Variants in MYO5B observed in about 807,000 individuals in gnomAD.
The protein encoded by MYO5B is unconventional myosin-Vb.
MYO5B carries 143 observed loss-of-function variants against 229.3 expected under a neutral mutation model. That is an observed-to-expected ratio of 0.62 (90% CI 0.54 to 0.72). The LOEUF (loss-of-function observed/expected upper bound fraction) is 0.72, where lower values mean the gene tolerates loss of function less well. Among genes scored for constraint, MYO5B ranks in the 30% least tolerant of loss-of-function variants. The pLI is 0.00. For missense variants in MYO5B, 2,321 were observed against 2,331.0 expected (o/e 1.00, Z 0.09); for synonymous variants, 918 against 885.2 (o/e 1.04, Z -0.66).
intron 1 of MYO5B, among the ~76,000 whole-genome samples, chr18:50,064,610 A>G (rs2030773685): frequency 1.3e-5 from 2 of 152,194 alleles, no homozygotes; most frequent in Non-Finnish European, 2.9e-5. Context: ...TTTAAAATCC[A>G]TTTCTGATTC....
chr18:50,107,644 A>T (rs2031786338), intron 1 of MYO5B, among the ~76,000 whole-genome samples: 1 of 152,162 alleles, frequency 6.6e-6, no homozygotes, highest in Non-Finnish European at 1.5e-5. Context: ...TGATTCCAGC[A>T]CTGTTTCCGG....
chr18:50,094,042 A>G (rs1281667008), intron 1 of MYO5B, among the ~76,000 whole-genome samples: 1 of 152,232 alleles, frequency 6.6e-6, no homozygotes, highest in Non-Finnish European at 1.5e-5. Context: ...TTACTTTAAT[A>G]AACTTCCTTT....
At chr18:50,017,931 TAC>T (rs2026233637) in intron 4 of MYO5B, among the ~76,000 whole-genome samples, 9 of 152,340 alleles carry the variant, frequency 5.9e-5, no homozygotes, top group Admixed American at 4.6e-4. Context: ...TATTCAAGTG[TAC>T]TTTAAACACA....
intron 4 of MYO5B, among the ~76,000 whole-genome samples, chr18:50,011,911 C>T (rs139379235): frequency 1.3e-4 from 20 of 152,114 alleles, no homozygotes; most frequent in African/African-American, 3.4e-4. Context: ...AGGCCCTGCA[C>T]GAGCTGTTCC....
chr18:50,077,184 A>AG (rs2031102003), intron 1 of MYO5B, among the ~76,000 whole-genome samples: 1 of 150,746 alleles, frequency 6.6e-6, no homozygotes, highest in African/African-American at 2.4e-5. Context: ...AAAAAAAAAA[A>AG]AAAAAAAAAG....
intron 17 of MYO5B, among the ~76,000 whole-genome samples, chr18:49,922,025 A>C (rs2025081066): frequency 1.3e-5 from 2 of 152,316 alleles, no homozygotes; most frequent in Middle Eastern, 3.4e-3. Flanking sequence ...CGCTGTGTTG[A>C]GTTTTCAGCA....
chr18:49,879,549 T>G lies in MYO5B; in HGVS notation c.3131-459A>C. The G allele has an allele frequency of 9.3e-6, 2 of 215,196 alleles. 1 individual carries two copies. The highest frequency in any genetic ancestry group is 1.6e-4 in the South Asian group (2 of 12,266). The allele number at this position is 215,196 out of a possible 1,614,324, so 13.3% of individuals were successfully genotyped here. On this transcript the variant is annotated intron_variant, in intron 23 of 39. Transcript: ENST00000285039. ...GATGGGCTACTTCCCTGCCAAAACT[T>G]ATTCACATTAACGGACAGAAAAGTG...
intron 1 of MYO5B, among the ~76,000 whole-genome samples, chr18:50,148,950 A>C (rs1298785850): frequency 6.6e-6 from 1 of 152,182 alleles, no homozygotes; most frequent in Non-Finnish European, 1.5e-5. Context: ...GTCTCAGCCC[A>C]AAATCTCCTT....
chr18:49,953,308 G>C lies in MYO5B; in HGVS notation c.1704C>G (p.Asn568Lys). The C allele has an allele frequency of 4.3e-6, 7 of 1,614,136 alleles. No individual in the cohort carries two copies. Among genetic ancestry groups the C allele is most frequent in the Non-Finnish European group, 5.9e-6 (7 of 1,180,020 alleles). The part of the protein sequence containing the change: ...EYLSDGFLEK[N>K]RDTVYEEQIN... The stretch of plus-strand genomic sequence containing the variant: ...TCTGCTCTTCATACACCGTGTCTCT[G>C]TTTTTCTCCAGAAAACCATCAGAGA... Residue 568 changes from asparagine to lysine, a missense_variant, in exon 14 of 40, where the codon AAC (asparagine) becomes AAG (lysine). Physicochemically the swap from Asn to Lys is moderately conservative, Grantham distance 94 (BLOSUM62 0). This residue lies in a region of MYO5B where 2,113 missense variants were observed against 2,044.7 expected (regional missense o/e 1.03). Coordinates refer to ENST00000285039, the MANE Select transcript of MYO5B (RefSeq NM_001080467.3).
chr18:49,849,389 A>G (rs1162666893), intron 32 of MYO5B, among the ~76,000 whole-genome samples, 178 bp downstream of exon 32: 3 of 152,152 alleles, frequency 2.0e-5, no homozygotes, highest in Non-Finnish European at 4.4e-5. Flanking sequence ...ATATTCTGGC[A>G]ACTGCAGATG....
At chr18:49,973,202 C>A (rs974561181) in intron 10 of MYO5B, among the ~76,000 whole-genome samples, 2 of 152,186 alleles carry the variant, frequency 1.3e-5, no homozygotes, top group African/African-American at 4.8e-5. Flanking sequence ...CTTCCTGAGG[C>A]CTTTGTGATG....
chr18:49,906,796 C>T (rs912858421), intron 18 of MYO5B, among the ~76,000 whole-genome samples, 166 bp from the exon 19 acceptor site: 1 of 152,146 alleles, frequency 6.6e-6, no homozygotes, highest in Non-Finnish European at 1.5e-5. Flanking sequence ...ACCCCAAGAC[C>T]CTACTACGGG....
intron 27 of MYO5B, among the ~76,000 whole-genome samples, chr18:49,866,836 C>T (rs1398256191): frequency 2.6e-5 from 4 of 152,130 alleles, no homozygotes; most frequent in Non-Finnish European, 4.4e-5. Flanking sequence ...TCCAGAGTGA[C>T]TGGGGAACAC....
intron 9 of MYO5B, among the ~76,000 whole-genome samples, chr18:49,979,773 C>A (rs527439649): frequency 6.6e-6 from 1 of 152,142 alleles, no homozygotes; most frequent in Non-Finnish European, 1.5e-5. Context: ...GTTAGAATAC[C>A]AGCTTTAGCT....
Position 49,880,276 on chromosome 18 carries a change from T to C in MYO5B, c.3130+95A>G, listed in dbSNP as rs1047049964. 1.3e-5 allele frequency: 13 copies of C among 1,025,210 alleles called. No homozygotes were observed. In the African/African-American group the frequency reaches 2.0e-4, roughly 16 times the overall value. 63.5% of individuals were successfully genotyped at this position (1,025,210 alleles called of 1,614,324 possible). ...AAAATCCTTTCCCCACTGTAGCCTC[T>C]AGTCTAACTGCATGCTTGCTAGGAG... On this transcript the variant is annotated intron_variant, in intron 23 of 39. Transcript: ENST00000285039.
chr18:50,157,112 T>G (rs926816160), intron 1 of MYO5B, among the ~76,000 whole-genome samples: 22 of 143,726 alleles, frequency 1.5e-4, no homozygotes, highest in African/African-American at 4.5e-4. Flanking sequence ...TGGCTGGGGG[T>G]GGGGAGGTGG....
At chr18:49,905,830 G>A (rs1241462124) in intron 19 of MYO5B, among the ~76,000 whole-genome samples, 1 of 152,148 alleles carries the variant, frequency 6.6e-6, no homozygotes, top group Non-Finnish European at 1.5e-5. Context: ...CGTGAGGAAG[G>A]AACCCTGCAG....
At chr18:49,998,549 A>C (rs2026013866) in intron 5 of MYO5B, among the ~76,000 whole-genome samples, 1 of 152,240 alleles carries the variant, frequency 6.6e-6, no homozygotes, top group Non-Finnish European at 1.5e-5. Context: ...CTGTGATTTA[A>C]AAAGCATTTC....
chr18:50,005,716 A>G (rs943692137), intron 4 of MYO5B, among the ~76,000 whole-genome samples: 1 of 152,166 alleles, frequency 6.6e-6, no homozygotes, highest in East Asian at 1.9e-4. Flanking sequence ...TGCCTGGCCT[A>G]TATTTCTTAT....
Sources: allele counts gnomAD v4.1 joint callset (sites outside exome capture counted in the v4.1 genomes callset), GRCh38; gene constraint gnomAD v4.1.1; regional missense constraint gnomAD v4.1.1; transcripts MANE v1.5; gene names NCBI Gene and HGNC (gene_info 2026-07-23, HGNC 2026-07-21).